The following PDE3B variants were observed in gnomAD, a reference collection of about 807,000 sequenced individuals.
PDE3B encodes the protein phosphodiesterase 3B, also known as cGMP-inhibited 3',5'-cyclic phosphodiesterase 3B.
Under a neutral mutation model 116.8 loss-of-function variants are expected in PDE3B, and 66 were observed. That is an observed-to-expected ratio of 0.56 (90% confidence interval 0.46 to 0.69). PDE3B has a LOEUF of 0.69. PDE3B is among the 30% of genes least tolerant of loss of function. PDE3B has a pLI of 0.00. For missense variants in PDE3B, 1,384 were observed against 1,368.1 expected, an observed-to-expected ratio of 1.01 and a Z score of -0.18; for synonymous variants, 595 against 533.6, an observed-to-expected ratio of 1.12 and a Z score of -1.59.
the PDE3B span, chr11:14,878,414 T>G: frequency 3.1e-6 from 3 of 971,988 alleles, no homozygotes; most frequent in East Asian, 2.6e-5. Context: ...AAGAGGGAAC[T>G]ATGTTTATTA....
intron 11 of PDE3B, among the ~76,000 whole-genome samples, chr11:14,841,179 C>T (rs924665090): frequency 2.0e-5 from 3 of 151,796 alleles, no homozygotes. Flanking sequence ...TCTGAGCAAA[C>T]AGGAATTCCA....
chr11:14,804,090 C>A, intron 5 of PDE3B, 40 bp downstream of exon 5: 1 of 1,047,992 alleles, frequency 9.5e-7, no homozygotes, highest in South Asian at 1.3e-5. Flanking sequence ...TGGGGGTTCT[C>A]AAAGTATATG....
At chr11:14,735,149 G>A (rs1225874794) in intron 1 of PDE3B, among the ~76,000 whole-genome samples, 4 of 152,090 alleles carry the variant, frequency 2.6e-5, no homozygotes, top group African/African-American at 9.7e-5. Context: ...CGATCATAAT[G>A]CTTGAGAAGG....
At chr11:14,734,703 A>G (rs964020312) in intron 1 of PDE3B, among the ~76,000 whole-genome samples, 1 of 152,312 alleles carries the variant, frequency 6.6e-6, no homozygotes, top group Admixed American at 6.5e-5. Context: ...AATTTTAACC[A>G]TACAGAAAAG....
chr11:14,889,101 C>G, the PDE3B span, among the ~76,000 whole-genome samples: 1 of 151,048 alleles, frequency 6.6e-6, no homozygotes, highest in Non-Finnish European at 1.5e-5. Flanking sequence ...ATTGAATTCA[C>G]AGACTAACAC....
rs900533927 is a variant in PDE3B at position 14,870,862 on chromosome 11, T to C, written c.*1202T>C. 2 of 152,202 alleles carry C rather than the reference T, an allele frequency of 1.3e-5. No homozygotes were observed. The highest frequency in any genetic ancestry group is 2.4e-5 in the African/African-American group (1 of 41,454). 9.4% of individuals were successfully genotyped at this position (152,202 alleles called of 1,614,324 possible). On this transcript the variant is annotated 3_prime_UTR_variant, in exon 16 of 16. Coordinates refer to ENST00000282096, the MANE Select transcript of PDE3B (RefSeq NM_000922.4). The surrounding 1 kb of genome is among the most constrained non-coding windows in gnomAD (Gnocchi z 4.1). The stretch of plus-strand genomic sequence containing the variant: ...GTTAATAAATCATTTCATACAAAAG[T>C]ACATTATTAAATAACCACATTATTA...
intron 4 of PDE3B, among the ~76,000 whole-genome samples, chr11:14,801,682 C>G (rs1858770281): frequency 6.6e-6 from 1 of 152,198 alleles, no homozygotes; most frequent in African/African-American, 2.4e-5. Context: ...GTCTGCTACT[C>G]TCTTCAGAGC....
intron 1 of PDE3B, among the ~76,000 whole-genome samples, chr11:14,709,861 T>C (rs1855650386): frequency 6.6e-6 from 1 of 152,252 alleles, no homozygotes; most frequent in Admixed American, 6.5e-5. Flanking sequence ...TTTTTCCTGC[T>C]TAACTTTGGT....
intron 12 of PDE3B, among the ~76,000 whole-genome samples, chr11:14,855,383 A>ATACATCTAT (rs1847830445): frequency 6.6e-6 from 1 of 152,192 alleles, no homozygotes; most frequent in Non-Finnish European, 1.5e-5. Context: ...GATGAAAACA[A>ATACATCTAT]TACATCTATA....
Position 14,753,235 on chromosome 11 carries a change from T to C in PDE3B, c.979-18702T>C, listed in dbSNP as rs910025871. Among the ~76,000 whole-genome samples, 75 of 152,140 alleles carry C rather than the reference T, an allele frequency of 4.9e-4. 1 individual carries two copies. Among genetic ancestry groups the C allele is most frequent in the African/African-American group, 1.8e-3 (75 of 41,442 alleles). On this transcript the variant is annotated intron_variant, in intron 1 of 15. Coordinates refer to ENST00000282096, the MANE Select transcript of PDE3B (RefSeq NM_000922.4). ...AAGCATATTTTCAGTATAGATCTTT[T>C]TGAGTGCCTTCCATGAACCACATAC...
intron 1 of PDE3B, among the ~76,000 whole-genome samples, chr11:14,726,824 T>C (rs990801113): frequency 1.3e-5 from 2 of 151,934 alleles, no homozygotes; most frequent in African/African-American, 4.8e-5. Flanking sequence ...CAGACTGGAG[T>C]ATGACAGGTG....
Position 14,870,049 on chromosome 11 carries a change from G to A in PDE3B, c.*389G>A, listed in dbSNP as rs577360701. 6.2e-6 allele frequency: 1 copy of A among 161,066 alleles called. No individual in the cohort carries two copies. Among genetic ancestry groups the A allele is most frequent in the South Asian group, 1.8e-4 (1 of 5,406 alleles). The allele number at this position is 161,066 out of a possible 1,614,324, so 10.0% of individuals were successfully genotyped here. On this transcript the variant is annotated 3_prime_UTR_variant, in exon 16 of 16. Transcript: ENST00000282096. This position sits in a 1 kb window ranked among gnomAD's most constrained non-coding sequence, Gnocchi z 4.1. ...TTACCAAAGTGGCCAGGAACTTTTT[G>A]CTTTTATGAAAATAGATTCATATTG...
chr11:14,810,640 G>A (rs1859097680), intron 5 of PDE3B, among the ~76,000 whole-genome samples: 1 of 149,102 alleles, frequency 6.7e-6, no homozygotes, highest in Admixed American at 6.7e-5. Context: ...GTGTGCATGT[G>A]TCTTTATAGC....
At chr11:14,708,883 C>T (rs1855613772) in intron 1 of PDE3B, among the ~76,000 whole-genome samples, 1 of 151,946 alleles carries the variant, frequency 6.6e-6, no homozygotes. Flanking sequence ...GAGTTCTATG[C>T]ACTAATCTTA....
intron 11 of PDE3B, among the ~76,000 whole-genome samples, chr11:14,840,006 A>T (rs1004326052): frequency 6.6e-6 from 1 of 152,174 alleles, no homozygotes; most frequent in African/African-American, 2.4e-5. Flanking sequence ...GGCTCTTTGG[A>T]TTCTGAAGGC....
chr11:14,825,336 A>G (rs937524148), intron 7 of PDE3B, among the ~76,000 whole-genome samples: 1 of 152,188 alleles, frequency 6.6e-6, no homozygotes, highest in Non-Finnish European at 1.5e-5. Flanking sequence ...AAAGGCATAG[A>G]GTGGCAAACT....
chr11:14,701,996 G>A (rs1855375062), intron 1 of PDE3B, among the ~76,000 whole-genome samples: 1 of 150,486 alleles, frequency 6.6e-6, no homozygotes, highest in African/African-American at 2.4e-5. Context: ...ATTCATGTGT[G>A]TGTTTTTTTT....
intron 12 of PDE3B, among the ~76,000 whole-genome samples, chr11:14,852,930 C>T (rs782446479): frequency 3.9e-5 from 6 of 151,930 alleles, no homozygotes; most frequent in Non-Finnish European, 8.8e-5. Flanking sequence ...TCTCCAATGG[C>T]ATTCACCTTA....
chr11:14,861,484 G>T, intron 14 of PDE3B, 118 bp downstream of exon 14: 5 of 899,092 alleles, frequency 5.6e-6, no homozygotes, highest in East Asian at 2.6e-5. Flanking sequence ...GACTGGGAAG[G>T]GTTAAAAATT....
Sources: allele counts gnomAD v4.1 joint callset (sites outside exome capture counted in the v4.1 genomes callset), GRCh38; gene constraint gnomAD v4.1.1; non-coding constraint Gnocchi (gnomAD v3.1); transcripts MANE v1.5; gene names NCBI Gene and HGNC (gene_info 2026-07-23, HGNC 2026-07-21).